GRIA1: variants seen among roughly 807,000 people sequenced by gnomAD.
GRIA1 encodes glutamate ionotropic receptor AMPA type subunit 1, also known as glutamate receptor 1.
A neutral mutation model predicts 99.2 loss-of-function variants in GRIA1; 31 were observed. The observed-to-expected ratio is 0.31, with a 90% CI of 0.23 to 0.42. The LOEUF (loss-of-function observed/expected upper bound fraction) is 0.42. Among genes scored for constraint, GRIA1 ranks in the 10% least tolerant of loss-of-function variants. The pLI, the probability that GRIA1 is intolerant of heterozygous loss-of-function variation, is 1.00. For synonymous variants in GRIA1, 438 were observed against 432.4 expected (o/e 1.01, Z -0.16); for missense variants, 782 against 1,157.5 (o/e 0.68, Z 4.71).
At chr5:153,534,519 C>G (rs1315966685) in intron 2 of GRIA1, among the ~76,000 whole-genome samples, 1 of 152,234 alleles carries the variant, frequency 6.6e-6, no homozygotes, top group African/African-American at 2.4e-5. Context: ...AGTTTCATTT[C>G]ATAAACCCCT....
At chr5:153,663,597 C>T (rs1755530746) in intron 5 of GRIA1, among the ~76,000 whole-genome samples, 1 of 152,160 alleles carries the variant, frequency 6.6e-6, no homozygotes, top group Non-Finnish European at 1.5e-5. Flanking sequence ...TTTTAGAACA[C>T]AGAGTGCAAC....
At chr5:153,760,367 T>C (rs561805775) in intron 11 of GRIA1, among the ~76,000 whole-genome samples, 2 of 152,162 alleles carry the variant, frequency 1.3e-5, no homozygotes, top group East Asian at 3.9e-4. Context: ...ACAAAATTAA[T>C]AGTATTTTTA....
intron 2 of GRIA1, among the ~76,000 whole-genome samples, chr5:153,605,937 G>A (rs551927946): frequency 6.6e-6 from 1 of 152,236 alleles, no homozygotes; most frequent in Admixed American, 6.5e-5. Flanking sequence ...GTGCAGGACA[G>A]AAACTGTTAA....
chr5:153,566,512 G>A (rs1421330886), intron 2 of GRIA1, among the ~76,000 whole-genome samples: 6 of 150,518 alleles, frequency 4.0e-5, no homozygotes, highest in African/African-American at 1.5e-4. Flanking sequence ...CACCATGTTG[G>A]CCAGGTTGGT....
intron 5 of GRIA1, among the ~76,000 whole-genome samples, chr5:153,669,481 CA>C (rs1755990303): frequency 6.6e-6 from 1 of 152,142 alleles, no homozygotes; most frequent in Non-Finnish European, 1.5e-5. Flanking sequence ...AAGACCATAA[CA>C]AAGCTTCAAC....
intron 2 of GRIA1, among the ~76,000 whole-genome samples, chr5:153,507,695 G>C (rs898946544): frequency 6.6e-6 from 1 of 152,028 alleles, no homozygotes; most frequent in Non-Finnish European, 1.5e-5. Flanking sequence ...TCCACTTACA[G>C]GTGGCGGATC....
At chr5:153,543,365 C>T (rs566654205) in intron 2 of GRIA1, among the ~76,000 whole-genome samples, 3 of 152,294 alleles carry the variant, frequency 2.0e-5, no homozygotes, top group East Asian at 1.9e-4. Flanking sequence ...AGGCATGGTA[C>T]TAAGTACTTG....
At chr5:153,565,229 CTT>C (rs1177515058) in intron 2 of GRIA1, among the ~76,000 whole-genome samples, 5 of 152,180 alleles carry the variant, frequency 3.3e-5, no homozygotes, top group African/African-American at 4.8e-5. Flanking sequence ...ATAAGAAAGT[CTT>C]TTGGTTCAGG....
At chr5:153,715,201 C>T (rs868303875) in intron 11 of GRIA1, among the ~76,000 whole-genome samples, 1 of 152,076 alleles carries the variant, frequency 6.6e-6, no homozygotes, top group Non-Finnish European at 1.5e-5. Flanking sequence ...TAAGGCTCAC[C>T]TCCTTATGAT....
Position 153,672,479 on chromosome 5 carries a change from T to C in GRIA1, c.700-2021T>C, listed in dbSNP as rs564859048. On this transcript the variant is annotated intron_variant, in intron 5 of 15. Transcript: ENST00000285900. ...GGCAGTCTAGCTGAGATCCAAAAAA[T>C]GGAAAGGAGCCAGACAGGGAAATCA... Among the ~76,000 whole-genome samples the C allele has an allele frequency of 7.2e-5, 11 of 151,934 alleles. No homozygotes were observed. In the East Asian group the frequency reaches 9.7e-4, roughly 13 times the overall value.
At chr5:153,637,160 G>A (rs1753425703) in intron 2 of GRIA1, among the ~76,000 whole-genome samples, 1 of 152,160 alleles carries the variant, frequency 6.6e-6, no homozygotes, top group Non-Finnish European at 1.5e-5. Context: ...ATAAGAAGAA[G>A]AATGGTACTT....
chr5:153,764,390 A>G lies in GRIA1; in HGVS notation c.1824-44A>G, dbSNP rs143855351. On this transcript the variant is annotated intron_variant, in intron 11 of 15. Transcript: ENST00000285900. The stretch of plus-strand genomic sequence containing the variant: ...TCAGTCCCTCCCCAGAGCTTTCCAC[A>G]GTTGATGTCCATGCTGCTGATGCCT... 6.1e-4 allele frequency: 904 copies of G among 1,487,964 alleles called. 1 individual carries two copies. The highest frequency in any genetic ancestry group is 8.1e-4 in the Non-Finnish European group (865 of 1,065,436). 92.2% of individuals were successfully genotyped at this position (1,487,964 alleles called of 1,614,324 possible).
At chr5:153,596,852 A>G (rs938984201) in intron 2 of GRIA1, among the ~76,000 whole-genome samples, 1 of 152,220 alleles carries the variant, frequency 6.6e-6, no homozygotes, top group African/African-American at 2.4e-5. Flanking sequence ...CAAGTTGTTT[A>G]ATGAAAAATC....
At chr5:153,520,562 C>T (rs1307805486) in intron 2 of GRIA1, among the ~76,000 whole-genome samples, 1 of 151,938 alleles carries the variant, frequency 6.6e-6, no homozygotes, top group African/African-American at 2.4e-5. Context: ...TGTGGGGGCC[C>T]ATGGATATGG....
intron 11 of GRIA1, among the ~76,000 whole-genome samples, chr5:153,711,486 G>A (rs76575037): frequency 2.0e-5 from 3 of 152,230 alleles, no homozygotes; most frequent in Non-Finnish European, 4.4e-5. Context: ...GGAAGCATTT[G>A]GAAAACAGGG....
intron 2 of GRIA1, among the ~76,000 whole-genome samples, chr5:153,625,109 T>G (rs1034553183): frequency 2.0e-5 from 3 of 152,098 alleles, no homozygotes; most frequent in African/African-American, 7.2e-5. Context: ...CATCTCTATT[T>G]TTTTTTTAGC....
At chr5:153,649,653 G>T (rs982541702) in intron 3 of GRIA1, among the ~76,000 whole-genome samples, 1 of 151,900 alleles carries the variant, frequency 6.6e-6, no homozygotes, top group Non-Finnish European at 1.5e-5. Flanking sequence ...GTAGAGATGG[G>T]GTTTCATCAT....
intron 8 of GRIA1, among the ~76,000 whole-genome samples, chr5:153,694,904 G>T (rs1036052233): frequency 6.6e-6 from 1 of 151,806 alleles, no homozygotes; most frequent in Admixed American, 6.6e-5. Context: ...AAGACAGGAA[G>T]GAAAGGAGGA....
At chr5:153,528,293 T>A (rs1489751908) in intron 2 of GRIA1, among the ~76,000 whole-genome samples, 1 of 152,226 alleles carries the variant, frequency 6.6e-6, no homozygotes, top group African/African-American at 2.4e-5. Context: ...GGGTTTTTGA[T>A]CTTCTGAGAT....
Sources: gnomAD v4.1 joint callset for allele counts (sites outside exome capture counted in the v4.1 genomes callset) on GRCh38, gnomAD v4.1.1 for gene constraint, MANE v1.5 for transcripts, NCBI Gene and HGNC (gene_info 2026-07-23, HGNC 2026-07-21) for gene names.